The following PTPRR variants were observed in gnomAD, a reference collection of about 807,000 sequenced individuals.
PTPRR encodes the protein receptor-type tyrosine-protein phosphatase R.
In PTPRR, 38 loss-of-function variants were observed where a neutral mutation model predicts 77.2. The observed-to-expected ratio is 0.49, with a 90% CI of 0.38 to 0.65. The LOEUF is 0.65. PTPRR is among the 30% of genes least tolerant of loss of function. The pLI is 0.00. For missense variants in PTPRR, 744 were observed against 799.2 expected, an observed-to-expected ratio of 0.93 and a Z score of 0.83; for synonymous variants, 299 against 283.1, an observed-to-expected ratio of 1.06 and a Z score of -0.57.
intron 2 of PTPRR, among the ~76,000 whole-genome samples, chr12:70,865,556 C>A (rs1892829544): frequency 6.6e-6 from 1 of 152,038 alleles, no homozygotes; most frequent in South Asian, 2.1e-4. Context: ...AAAGAAATAT[C>A]CAAAGGGAAG....
intron 2 of PTPRR, among the ~76,000 whole-genome samples, chr12:70,789,228 TG>T (rs1355192033): frequency 3.9e-5 from 6 of 152,036 alleles, no homozygotes; most frequent in African/African-American, 1.4e-4. Flanking sequence ...ACCTGCATGT[TG>T]TGCACATGTA....
intron 2 of PTPRR, among the ~76,000 whole-genome samples, chr12:70,881,851 A>G (rs1056273288): frequency 2.6e-5 from 4 of 152,244 alleles, no homozygotes; most frequent in African/African-American, 9.6e-5. Context: ...CAACAGCGAG[A>G]AGAAGCAAAT....
At chr12:70,917,189 C>A (rs1362273657) in intron 1 of PTPRR, among the ~76,000 whole-genome samples, 1 of 152,054 alleles carries the variant, frequency 6.6e-6, no homozygotes, top group Non-Finnish European at 1.5e-5. Flanking sequence ...TAATTGCCTC[C>A]TTGAATATTC....
At chr12:70,868,161 G>A (rs758122610) in intron 2 of PTPRR, among the ~76,000 whole-genome samples, 106 of 152,004 alleles carry the variant, frequency 7.0e-4, no homozygotes, top group Non-Finnish European at 1.3e-3. Context: ...AAAAAGCAAT[G>A]GCAATAAAAG....
intron 6 of PTPRR, among the ~76,000 whole-genome samples, chr12:70,714,479 T>C (rs1354495832): frequency 1.3e-5 from 2 of 152,172 alleles, no homozygotes; most frequent in African/African-American, 4.8e-5. Flanking sequence ...CATATAGTTT[T>C]GCAACTTTTT....
Position 70,718,016 on chromosome 12 carries a change from G to GA in PTPRR, c.1008-16694dup, listed in dbSNP as rs1889097805. ...TGAATAGGCATCTATGCTAAGAAAAGAAAAATACAATCTTCTTTTTAAAAA... is the reference window on the plus strand; with the variant it reads ...TGAATAGGCATCTATGCTAAGAAAAGAAAAAATACAATCTTCTTTTTAAAAA... On this transcript the variant is annotated intron_variant, in intron 6 of 13. Coordinates refer to ENST00000283228, the MANE Select transcript of PTPRR (RefSeq NM_002849.4). Among the ~76,000 whole-genome samples, 4 of 152,234 alleles carry GA rather than the reference G, an allele frequency of 2.6e-5. No individual in the cohort carries two copies. In the South Asian group the frequency reaches 8.3e-4, roughly 32 times the overall value.
chr12:70,836,284 A>G (rs1892301444), intron 2 of PTPRR, among the ~76,000 whole-genome samples: 1 of 149,958 alleles, frequency 6.7e-6, no homozygotes, highest in Admixed American at 6.6e-5. Context: ...AACAATTCTA[A>G]TGGCAGTATC....
intron 2 of PTPRR, among the ~76,000 whole-genome samples, chr12:70,885,075 C>T (rs889517823): frequency 6.6e-6 from 1 of 151,732 alleles, no homozygotes; most frequent in Admixed American, 6.6e-5. Flanking sequence ...ATCTTTGAAA[C>T]GTACATAATT....
At chr12:70,911,662 G>A (rs908012325) in intron 1 of PTPRR, among the ~76,000 whole-genome samples, 4 of 148,640 alleles carry the variant, frequency 2.7e-5, no homozygotes, top group South Asian at 2.1e-4. Flanking sequence ...AGATATTTTC[G>A]AGCTTCATAG....
chr12:70,690,162 C>T (rs1265357552), intron 8 of PTPRR, among the ~76,000 whole-genome samples: 1 of 152,124 alleles, frequency 6.6e-6, no homozygotes, highest in African/African-American at 2.4e-5. Flanking sequence ...AGAGATTAGT[C>T]TGGAGGTATA....
At chr12:70,853,191 G>T (rs1892598990) in intron 2 of PTPRR, among the ~76,000 whole-genome samples, 2 of 152,132 alleles carry the variant, frequency 1.3e-5, no homozygotes, top group African/African-American at 4.8e-5. Context: ...TGTGCTAAGG[G>T]CTTCTCATAT....
chr12:70,833,472 A>G (rs1287683621), intron 2 of PTPRR, among the ~76,000 whole-genome samples: 1 of 152,124 alleles, frequency 6.6e-6, no homozygotes, highest in Non-Finnish European at 1.5e-5. Context: ...ACATCAGTGT[A>G]AAGGTGAGCT....
At chr12:70,692,162 A>G (rs143128676) in intron 8 of PTPRR, among the ~76,000 whole-genome samples, 1 of 152,128 alleles carries the variant, frequency 6.6e-6, no homozygotes, top group Non-Finnish European at 1.5e-5. Flanking sequence ...ATGTTAATGG[A>G]CCCTGTGAAT....
chr12:70,807,768 T>C (rs1458584205), intron 2 of PTPRR, among the ~76,000 whole-genome samples: 5 of 152,238 alleles, frequency 3.3e-5, no homozygotes, highest in Non-Finnish European at 7.3e-5. Flanking sequence ...TGATTTCCTA[T>C]GCCTGTCTTT....
intron 3 of PTPRR, among the ~76,000 whole-genome samples, chr12:70,763,648 C>T (rs562327185): frequency 5.9e-5 from 9 of 152,234 alleles, no homozygotes; most frequent in Admixed American, 5.2e-4. Flanking sequence ...CAGATGGGTG[C>T]AATAGAAAGC....
At chr12:70,778,694 GT>G (rs1037677272) in intron 2 of PTPRR, among the ~76,000 whole-genome samples, 15 of 147,178 alleles carry the variant, frequency 1.0e-4, no homozygotes, top group Non-Finnish European at 1.5e-4. Context: ...TTTCTCTAAT[GT>G]TTTTTTTTAC....
chr12:70,733,963 C>T (rs1889775868), intron 6 of PTPRR, among the ~76,000 whole-genome samples: 2 of 152,176 alleles, frequency 1.3e-5, no homozygotes, highest in South Asian at 4.1e-4. Context: ...ATAGTGGGAC[C>T]CTGAACTACA....
chr12:70,837,454 A>G (rs1892324061), intron 2 of PTPRR, among the ~76,000 whole-genome samples: 1 of 152,154 alleles, frequency 6.6e-6, no homozygotes, highest in African/African-American at 2.4e-5. Flanking sequence ...ACATTCTTAC[A>G]ACATGCTTCT....
At chr12:70,805,570 A>C (rs920514872) in intron 2 of PTPRR, among the ~76,000 whole-genome samples, 1 of 152,170 alleles carries the variant, frequency 6.6e-6, no homozygotes, top group African/African-American at 2.4e-5. Context: ...TATGTTGCCC[A>C]GGCTGGTTGT....
Sources: allele counts gnomAD v4.1 joint callset (sites outside exome capture counted in the v4.1 genomes callset), GRCh38; gene constraint gnomAD v4.1.1; transcripts MANE v1.5; gene names NCBI Gene and HGNC (gene_info 2026-07-23, HGNC 2026-07-21).